Variants in FMN2 observed in about 807,000 individuals in gnomAD.
FMN2 encodes the protein formin 2, also known as formin-2.
In FMN2, 51 loss-of-function variants were observed where a neutral mutation model predicts 142.3. That is an observed-to-expected ratio of 0.36 (90% CI 0.29 to 0.45). The LOEUF (loss-of-function observed/expected upper bound fraction) is 0.45, where lower values mean the gene tolerates loss of function less well. FMN2 is among the 20% of genes least tolerant of loss of function. The pLI, the probability that FMN2 is intolerant of heterozygous loss-of-function variation, is 1.00. For synonymous variants in FMN2, 882 were observed against 869.8 expected (o/e 1.01, Z -0.25); for missense variants, 1,936 against 2,122.8 (o/e 0.91, Z 1.73).
intron 1 of FMN2, among the ~76,000 whole-genome samples, chr1:240,094,273 C>T (rs925224586): frequency 6.6e-6 from 1 of 152,154 alleles, no homozygotes; most frequent in African/African-American, 2.4e-5. Flanking sequence ...GTCTGGGTTC[C>T]GCTGCTTAGT....
At chr1:240,438,345 T>A in intron 16 of FMN2, 135 bp downstream of exon 16, 1 of 930,292 alleles carries the variant, frequency 1.1e-6, no homozygotes, top group South Asian at 1.8e-5. Context: ...TTGAAGAGGA[T>A]GCTGACATTT....
intron 14 of FMN2, among the ~76,000 whole-genome samples, chr1:240,362,882 C>T (rs187428389): frequency 1.3e-5 from 2 of 152,280 alleles, no homozygotes; most frequent in East Asian, 3.9e-4. Flanking sequence ...ACTGACCTTG[C>T]TCTTCATACT....
chr1:240,138,007 G>A (rs986326230), intron 2 of FMN2, among the ~76,000 whole-genome samples: 1 of 148,840 alleles, frequency 6.7e-6, no homozygotes, highest in South Asian at 2.1e-4. Context: ...AGAGGTTGCA[G>A]TGAGCTGAGA....
chr1:240,184,378 A>C (rs1478917374), intron 3 of FMN2, among the ~76,000 whole-genome samples: 1 of 151,068 alleles, frequency 6.6e-6, no homozygotes, highest in Non-Finnish European at 1.5e-5. Flanking sequence ...CTGGGACTGC[A>C]GGTGCCCACC....
intron 6 of FMN2, among the ~76,000 whole-genome samples, chr1:240,220,327 CAAG>C: frequency 6.6e-6 from 1 of 152,220 alleles, no homozygotes; most frequent in South Asian, 2.1e-4. Flanking sequence ...CATGTGTGGC[CAAG>C]AAGACCATAG....
intron 2 of FMN2, among the ~76,000 whole-genome samples, chr1:240,177,329 G>A (rs765489128): frequency 3.3e-5 from 5 of 150,498 alleles, no homozygotes; most frequent in Non-Finnish European, 7.4e-5. Flanking sequence ...AGCTGGCGAG[G>A]TCTTTCTTGG....
intron 8 of FMN2, among the ~76,000 whole-genome samples, chr1:240,297,090 A>T (rs1182654219): frequency 6.6e-6 from 1 of 152,178 alleles, no homozygotes; most frequent in Non-Finnish European, 1.5e-5. Flanking sequence ...TCAGCAGGTC[A>T]TAATGATTTA....
chr1:240,358,794 A>G lies in FMN2; in HGVS notation c.4858+2886A>G, dbSNP rs1489823882. 2.6e-5 allele frequency among the ~76,000 whole-genome samples: 4 copies of G among 152,154 alleles called. 1 individual carries two copies. In the South Asian group the frequency reaches 6.2e-4, roughly 24 times the overall value. Reference sequence around the variant, plus strand: ...TGGATTATGGGGATTACAGTTCAAGATGAGATTTGGGTGGGGACACAAAGC... The same window carrying G: ...TGGATTATGGGGATTACAGTTCAAGGTGAGATTTGGGTGGGGACACAAAGC... On this transcript the variant is annotated intron_variant, in intron 14 of 17. Transcript: ENST00000319653.
At chr1:240,262,589 A>G (rs538253092) in intron 7 of FMN2, among the ~76,000 whole-genome samples, 5 of 152,128 alleles carry the variant, frequency 3.3e-5, no homozygotes, top group African/African-American at 9.6e-5. Flanking sequence ...TCTTAGGTCC[A>G]TTTTCATAGA....
intron 14 of FMN2, among the ~76,000 whole-genome samples, chr1:240,364,065 A>G (rs1306356178): frequency 3.3e-5 from 5 of 152,208 alleles, no homozygotes; most frequent in African/African-American, 1.2e-4. Context: ...AAGCAAAGCC[A>G]TTTATACTCC....
intron 14 of FMN2, among the ~76,000 whole-genome samples, chr1:240,376,620 T>G (rs1303906757): frequency 6.6e-6 from 1 of 152,150 alleles, no homozygotes; most frequent in Non-Finnish European, 1.5e-5. Context: ...TTATATTATA[T>G]TACATGATAT....
intron 8 of FMN2, among the ~76,000 whole-genome samples, chr1:240,324,677 AAGAGAG>A (rs764097978): frequency 0.016 from 2,196 of 137,346 alleles, 24 homozygotes; most frequent in Middle Eastern, 0.054. Flanking sequence ...GAAAGAAGGA[AAGAGAG>A]AGAGAGAGAG....
chr1:240,163,673 A>G (rs912946671), intron 2 of FMN2, among the ~76,000 whole-genome samples: 5 of 152,038 alleles, frequency 3.3e-5, no homozygotes, highest in African/African-American at 1.2e-4. Flanking sequence ...AAGTATAACT[A>G]AGTCCATTTA....
chr1:240,300,340 G>A (rs1394196322), intron 8 of FMN2, among the ~76,000 whole-genome samples: 1 of 152,154 alleles, frequency 6.6e-6, no homozygotes, highest in Non-Finnish European at 1.5e-5. Flanking sequence ...AGCTCAGCAT[G>A]GTAGAACGTT....
chr1:240,097,420 A>G (rs1661241428), intron 1 of FMN2, among the ~76,000 whole-genome samples: 1 of 149,264 alleles, frequency 6.7e-6, no homozygotes, highest in Non-Finnish European at 1.5e-5. Context: ...CAGTGGCACG[A>G]CTTCTGCTCA....
intron 1 of FMN2, among the ~76,000 whole-genome samples, chr1:240,101,376 C>T (rs542688802): frequency 1.1e-4 from 16 of 152,226 alleles, no homozygotes; most frequent in African/African-American, 3.6e-4. Context: ...GTTTATACCA[C>T]GGAGTAATTG....
At chr1:240,391,107 A>G (rs956628287) in intron 14 of FMN2, among the ~76,000 whole-genome samples, 1 of 152,218 alleles carries the variant, frequency 6.6e-6, no homozygotes. Flanking sequence ...AAGTAAAATC[A>G]TAGGATATTC....
At chr1:240,158,588 A>T (rs945477085) in intron 2 of FMN2, among the ~76,000 whole-genome samples, 1 of 152,094 alleles carries the variant, frequency 6.6e-6, no homozygotes, top group Non-Finnish European at 1.5e-5. Flanking sequence ...AAAATCACAT[A>T]ACTGCATCTC....
chr1:240,463,505 C>T (rs371594099), intron 16 of FMN2, among the ~76,000 whole-genome samples: 9 of 152,090 alleles, frequency 5.9e-5, no homozygotes, highest in South Asian at 2.1e-4. Flanking sequence ...AAGTCTTCAC[C>T]GCAGAAGTGG....
Sources: allele counts gnomAD v4.1 joint callset (sites outside exome capture counted in the v4.1 genomes callset), GRCh38; gene constraint gnomAD v4.1.1; transcripts MANE v1.5; gene names NCBI Gene and HGNC (gene_info 2026-07-23, HGNC 2026-07-21).